Variants in DMD observed in about 807,000 individuals in gnomAD.
DMD encodes mutant dystrophin.
DMD carries 63 observed loss-of-function variants against 330.1 expected under a neutral mutation model. The observed-to-expected ratio is 0.19, with a 90% confidence interval of 0.16 to 0.24. The LOEUF is 0.24. Among genes scored for constraint, DMD ranks in the 10% least tolerant of loss-of-function variants. The pLI is 1.00. For synonymous variants in DMD, 1,223 were observed against 959.8 expected, an observed-to-expected ratio of 1.27 and a Z score of -5.07; for missense variants, 3,344 against 2,684.1, an observed-to-expected ratio of 1.25 and a Z score of -5.43.
rs149020068 is a variant in DMD, at chrX:32,587,205, A to G, written c.1602+8552T>C. ...GACTTTATCGTCTTTCTGAACAACT[A>G]CCTTTCACAGTATAGCATTTTCTTT... On this transcript the variant is annotated intron_variant, in intron 13 of 78. Coordinates refer to ENST00000357033, the MANE Select transcript of DMD (RefSeq NM_004006.3). Among the ~76,000 whole-genome samples the G allele has an allele frequency of 7.7e-3, 864 of 111,772 alleles. 9 individuals are homozygous for G. Among genetic ancestry groups the G allele is most frequent in the African/African-American group, 0.027 (825 of 30,829 alleles).
rs1569562933 is a variant in DMD at position 32,448,468 on chromosome X, G to C, written c.3774C>G (p.Cys1258Trp). 1 of 1,208,239 alleles carries C rather than the reference G, an allele frequency of 8.3e-7. No homozygotes were observed. The highest frequency in any genetic ancestry group is 3.0e-5 in the East Asian group (1 of 33,710). The stretch of plus-strand genomic sequence containing the variant: ...AAAAGCAACTGACTTCCAAAGTCTT[G>C]CATTTCCCATTCAGCCTAGTGCAGA... ...QWLCTRLNGKCKTLEEVWACW... is the reference protein window; with the variant it reads ...QWLCTRLNGKWKTLEEVWACW... Residue 1258 changes from cysteine to tryptophan, a missense_variant, in exon 27 of 79, where the codon TGC becomes TGG. By Grantham distance (215) the Cys-to-Trp change is radical (BLOSUM62 -2). Transcript: ENST00000357033.
chrX:32,928,652 T>C (rs2089304163), intron 2 of DMD, among the ~76,000 whole-genome samples: 1 of 112,037 alleles, frequency 8.9e-6, no homozygotes, highest in African/African-American at 3.2e-5. Context: ...AACAGTATTA[T>C]CTTATTCAGA....
intron 1 of DMD, among the ~76,000 whole-genome samples, chrX:33,083,097 T>C (rs909191181): frequency 1.8e-5 from 2 of 111,763 alleles, no homozygotes; most frequent in African/African-American, 6.5e-5. Flanking sequence ...TTCTTACCCT[T>C]ATTGCTGGGA....
chrX:33,129,714 AC>A (rs891478700), intron 1 of DMD, among the ~76,000 whole-genome samples: 2 of 110,413 alleles, frequency 1.8e-5, no homozygotes, highest in African/African-American at 6.6e-5. Context: ...CATTAATCGT[AC>A]CGTATTCCCT....
chrX:32,320,672 G>T (rs1277958266), intron 41 of DMD, among the ~76,000 whole-genome samples: 1 of 111,825 alleles, frequency 8.9e-6, no homozygotes, highest in Non-Finnish European at 1.9e-5. Context: ...AGTACTTAAT[G>T]TGGTTAAAGT....
intron 7 of DMD, among the ~76,000 whole-genome samples, chrX:32,737,602 G>C (rs1024502921): frequency 9.0e-6 from 1 of 111,506 alleles, no homozygotes; most frequent in Non-Finnish European, 1.9e-5. Flanking sequence ...TTGGAAACTT[G>C]GAAATTAAAA....
chrX:32,052,992 C>A (rs935739280), intron 44 of DMD, among the ~76,000 whole-genome samples: 1 of 111,470 alleles, frequency 9.0e-6, no homozygotes, highest in Non-Finnish European at 1.9e-5. Flanking sequence ...ATAAAGAATA[C>A]TCATAAATTG....
intron 43 of DMD, among the ~76,000 whole-genome samples, chrX:32,225,382 G>A (rs2097144284): frequency 8.9e-6 from 1 of 111,813 alleles, no homozygotes; most frequent in East Asian, 2.8e-4. Flanking sequence ...CTTAATCTAG[G>A]CTGATTATGA....
chrX:32,948,019 G>T (rs1158156224), intron 2 of DMD, among the ~76,000 whole-genome samples: 1 of 110,694 alleles, frequency 9.0e-6, no homozygotes, highest in African/African-American at 3.3e-5. Flanking sequence ...GTCAGTTAAT[G>T]TTCTACAAAT....
chrX:32,855,517 A>G (rs745722796), intron 2 of DMD, among the ~76,000 whole-genome samples: 1 of 112,117 alleles, frequency 8.9e-6, no homozygotes, highest in Non-Finnish European at 1.9e-5. Context: ...CCACAGACCT[A>G]AAGTAAACTC....
chrX:32,960,092 C>T (rs2091818499), intron 2 of DMD: 1 of 112,151 alleles, frequency 8.9e-6, no homozygotes, highest in African/African-American at 3.2e-5. Flanking sequence ...AGGTGCCTCT[C>T]ATTAAATGCC....
intron 74 of DMD, among the ~76,000 whole-genome samples, chrX:31,151,737 G>A (rs2037441591): frequency 8.9e-6 from 1 of 112,265 alleles, no homozygotes; most frequent in African/African-American, 3.2e-5. Context: ...TCTCTTGGGA[G>A]CACATTTCCT....
chrX:32,966,597 T>C (rs1423740668), intron 2 of DMD, among the ~76,000 whole-genome samples: 1 of 111,816 alleles, frequency 8.9e-6, no homozygotes, highest in African/African-American at 3.3e-5. Flanking sequence ...TGCTGCTTCA[T>C]GGATGTAAGT....
intron 44 of DMD, among the ~76,000 whole-genome samples, chrX:32,137,126 G>C (rs1297406214): frequency 7.2e-5 from 8 of 111,738 alleles, no homozygotes; most frequent in Admixed American, 6.6e-4. Context: ...AAATCTATGA[G>C]GCTTATTTAG....
intron 1 of DMD, among the ~76,000 whole-genome samples, chrX:33,220,128 C>T (rs1294710289): frequency 9.0e-6 from 1 of 111,501 alleles, no homozygotes; most frequent in Non-Finnish European, 1.9e-5. Flanking sequence ...TTTTCCCTTG[C>T]CCTCTGATGT....
intron 74 of DMD, among the ~76,000 whole-genome samples, chrX:31,167,653 G>A (rs1398121292): frequency 8.9e-6 from 1 of 111,890 alleles, no homozygotes; most frequent in Non-Finnish European, 1.9e-5. Context: ...AAGTAGAAAT[G>A]TTTTCTCTAC....
chrX:32,521,572 T>C (rs1333685129), intron 17 of DMD, among the ~76,000 whole-genome samples: 6 of 112,441 alleles, frequency 5.3e-5, no homozygotes. Context: ...GATTCTGATA[T>C]GTATATCTCT....
At chrX:33,056,889 C>T (rs2094524406) in intron 1 of DMD, among the ~76,000 whole-genome samples, 1 of 111,201 alleles carries the variant, frequency 9.0e-6, no homozygotes, top group Non-Finnish European at 1.9e-5. Context: ...TGCCTCTGAA[C>T]CATGCCCTCT....
chrX:31,664,720 C>T (rs563805160), intron 53 of DMD, among the ~76,000 whole-genome samples: 51 of 102,298 alleles, frequency 5.0e-4, no homozygotes, highest in African/African-American at 1.8e-3. Context: ...ATTGACACTA[C>T]CTTAATTTAC....
Sources: allele counts gnomAD v4.1 joint callset (sites outside exome capture counted in the v4.1 genomes callset), GRCh38; gene constraint gnomAD v4.1.1; transcripts MANE v1.5; gene names NCBI Gene and HGNC (gene_info 2026-07-23, HGNC 2026-07-21).